The following NICN1 variants were observed in gnomAD, a reference collection of about 807,000 sequenced individuals.
NICN1 encodes the protein nicolin-1.
In NICN1, 18 loss-of-function variants were observed where a neutral mutation model predicts 26.3. The ratio of observed to expected loss-of-function variants is 0.68; its 90% CI spans 0.47 to 1.01. The LOEUF (loss-of-function observed/expected upper bound fraction) is 1.01. Ranked by LOEUF, NICN1 falls within the 50% of genes least tolerant of loss-of-function variation. The probability of loss-of-function intolerance (pLI) is 0.00; values close to 1 mark genes in which losing one functional copy is unlikely to be tolerated. For missense variants in NICN1, 239 were observed against 278.3 expected (o/e 0.86, Z 1.00); for synonymous variants, 109 against 111.0 (o/e 0.98, Z 0.11).
intron 3 of NICN1, 118 bp from the exon 4 acceptor site, chr3:49,425,556 GT>G: frequency 3.8e-6 from 3 of 788,546 alleles, no homozygotes; most frequent in Non-Finnish European, 6.1e-6. Context: ...GGAAAACCCT[GT>G]TTAGGGAGCC....
At chr3:49,428,166 G>A (rs2049190072) in intron 1 of NICN1, among the ~76,000 whole-genome samples, 1 of 151,910 alleles carries the variant, frequency 6.6e-6, no homozygotes, top group Admixed American at 6.6e-5. Flanking sequence ...GTTGCAGTGA[G>A]CCGAGATCGC....
chr3:49,425,400 T>A lies in NICN1; in HGVS notation c.462A>T (p.Pro154=). The change falls in exon 4 of 6, where the codon CCA becomes CCT. Residue 154 remains proline (P), a synonymous_variant. Coordinates refer to ENST00000273598, the MANE Select transcript of NICN1 (RefSeq NM_032316.3). ...SVTFPKWLSH[P]VPCEQPALLR... is the part of the protein sequence containing the mutation. ...GGAGTGCAGGTTGCTCACAGGGCAC[T>A]GGGTGGGAGAGCCACTTGGGAAAGG... 1 of 1,613,262 alleles carries A rather than the reference T, an allele frequency of 6.2e-7. No homozygotes were observed. Among genetic ancestry groups the A allele is most frequent in the Non-Finnish European group, 8.5e-7 (1 of 1,179,844 alleles).
chr3:49,427,646 A>G (rs1162134715), intron 1 of NICN1, among the ~76,000 whole-genome samples: 93 of 13,444 alleles, frequency 6.9e-3, no homozygotes, highest in East Asian at 0.12. Flanking sequence ...ACCTCTCAGA[A>G]AAAAAAAAAA....
At chr3:49,427,050 G>A (rs995217448) in intron 1 of NICN1, among the ~76,000 whole-genome samples, 6 of 152,240 alleles carry the variant, frequency 3.9e-5, no homozygotes, top group East Asian at 1.9e-4. Context: ...GGCCGGGCAC[G>A]GTGGCTCAAG....
chr3:49,426,527 T>TTA, intron 1 of NICN1, 99 bp from the exon 2 acceptor site: 4 of 866,110 alleles, frequency 4.6e-6, no homozygotes, highest in Non-Finnish European at 5.3e-6. Context: ...TCCCCACCTT[T>TTA]TCTTTTTTTT....
At position 49,422,490 on chromosome 3, in the gene NICN1, C is replaced by T. The variant is rs1012146160; in HGVS notation, c.*2343G>A. The T allele has an allele frequency of 1.3e-6, 2 of 1,595,258 alleles. No homozygotes were observed. Among genetic ancestry groups the T allele is most frequent in the Non-Finnish European group, 1.7e-6 (2 of 1,166,720 alleles). Reference sequence around the variant, plus strand: ...AGTGCAGACGGCGCACAGAGGCCACCACACTGCCAGGCACGCCGGGAGATG... The same window carrying T: ...AGTGCAGACGGCGCACAGAGGCCACTACACTGCCAGGCACGCCGGGAGATG... On this transcript the variant is annotated 3_prime_UTR_variant, in exon 6 of 6. Transcript: ENST00000273598.
At chr3:49,428,277 A>T (rs529073457) in intron 1 of NICN1, among the ~76,000 whole-genome samples, 3 of 151,768 alleles carry the variant, frequency 2.0e-5, no homozygotes, top group Admixed American at 6.6e-5. Context: ...TCTCAATGCC[A>T]CGCCATTGGA....
At position 49,429,203 on chromosome 3, in the gene NICN1, A is replaced by G. The variant is rs11130191; in HGVS notation, c.37T>C (p.Ser13Pro). 2 of 1,609,866 alleles carry G rather than the reference A, an allele frequency of 1.2e-6. No homozygotes were observed. Among genetic ancestry groups the G allele is most frequent in the Middle Eastern group, 1.7e-4 (1 of 6,048 alleles). Residue 13 changes from serine to proline, a missense_variant, in exon 1 of 6, where the codon TCC becomes CCC. Transcript: ENST00000273598. ...RVLVPCHVKG[S>P]VALQVGDVRT... ...ACGTCGCCCACCTGGAGGGCTACGG[A>G]GCCTTTCACATGGCAAGGCACCAAA...
At chr3:49,426,053 C>CT in intron 2 of NICN1, 57 bp from the exon 3 acceptor site, 1 of 1,280,554 alleles carries the variant, frequency 7.8e-7, no homozygotes, top group South Asian at 1.3e-5. Flanking sequence ...AGAAGCCTCC[C>CT]AACCAGCAAT....
At chr3:49,425,237 A>C in intron 4 of NICN1, 130 bp downstream of exon 4, 1 of 868,040 alleles carries the variant, frequency 1.2e-6, no homozygotes, top group Non-Finnish European at 1.9e-6. Context: ...ATCCCACAGA[A>C]TACCCAGGAG....
At chr3:49,429,060 G>C in intron 1 of NICN1, 48 bp downstream of exon 1, 1 of 1,534,004 alleles carries the variant, frequency 6.5e-7, no homozygotes, top group Non-Finnish European at 8.8e-7. Flanking sequence ...CGAGATTCCA[G>C]GTCGGCCCCG....
intron 3 of NICN1, 27 bp downstream of exon 3, chr3:49,425,856 C>A (rs937595851): frequency 1.0e-5 from 13 of 1,306,058 alleles, no homozygotes; most frequent in Middle Eastern, 3.7e-4. Flanking sequence ...GGGAAAGGGC[C>A]AGCCAGCAGC....
Position 49,424,327 on chromosome 3 carries a change from A to C in NICN1, c.*506T>G, listed in dbSNP as rs1209319139. ...CAGGCAGCAGAAGAGTTCAGACAGG[A>C]AATTTCTCTCTGTGGCATAACACAA... On this transcript the variant is annotated 3_prime_UTR_variant, in exon 6 of 6. Transcript: ENST00000273598. 1 of 172,648 alleles carries C rather than the reference A, an allele frequency of 5.8e-6. No homozygotes were observed. Among genetic ancestry groups the C allele is most frequent in the Non-Finnish European group, 1.2e-5 (1 of 80,562 alleles). 10.7% of individuals were successfully genotyped at this position (172,648 alleles called of 1,614,324 possible). A position where few individuals can be genotyped will look rare whatever the true frequency, so the allele number is the denominator to read the frequency against.
At chr3:49,429,007 G>C (rs1206049356) in intron 1 of NICN1, 101 bp downstream of exon 1, 11 of 1,136,958 alleles carry the variant, frequency 9.7e-6, no homozygotes, top group Non-Finnish European at 1.4e-5. Context: ...CAAGGAAGAC[G>C]GCAGAGGCTT....
intron 1 of NICN1, 127 bp from the exon 2 acceptor site, chr3:49,426,555 T>C: frequency 1.4e-6 from 1 of 712,492 alleles, no homozygotes; most frequent in Non-Finnish European, 2.3e-6. Flanking sequence ...TGAGAGGAAA[T>C]CTTGCTCTTT....
chr3:49,422,734 C>A lies in NICN1; in HGVS notation c.*2099G>T. On this transcript the variant is annotated 3_prime_UTR_variant, in exon 6 of 6. Transcript: ENST00000273598. ...AACAAAGCTAGGGGCTAGACCGCCC[C>A]CTGCAGAACCGCCCTGTCTCCAGAG... 1.8e-6 allele frequency: 1 copy of A among 556,914 alleles called. No homozygotes were observed. The allele number at this position is 556,914 out of a possible 1,614,324, so 34.5% of individuals were successfully genotyped here. A position where few individuals can be genotyped will look rare whatever the true frequency, so the allele number is the denominator to read the frequency against.
chr3:49,428,687 C>T (rs2049194386), intron 1 of NICN1, among the ~76,000 whole-genome samples: 1 of 149,400 alleles, frequency 6.7e-6, no homozygotes, highest in African/African-American at 2.5e-5. Context: ...TGCCATTGCA[C>T]TCCAGCCTGG....
rs2049166630 is a variant in NICN1, at chr3:49,426,016, A to T, written c.310-20T>A. ...CAGCATCTGACACACACACACAAGG[A>T]CCCAGCAAGGATCCAGCTCACTGCC... On this transcript the variant is annotated intron_variant, in intron 2 of 5. Transcript: ENST00000273598. 6.7e-7 allele frequency: 1 copy of T among 1,501,774 alleles called. No homozygotes were observed. Among genetic ancestry groups the T allele is most frequent in the Admixed American group, 1.7e-5 (1 of 58,508 alleles). 93.0% of individuals were successfully genotyped at this position (1,501,774 alleles called of 1,614,324 possible). A position where few individuals can be genotyped will look rare whatever the true frequency, so the allele number is the denominator to read the frequency against.
At chr3:49,428,755 T>TG (rs35319877) in intron 1 of NICN1, among the ~76,000 whole-genome samples, 9 of 151,310 alleles carry the variant, frequency 5.9e-5, no homozygotes, top group African/African-American at 2.2e-4. Context: ...AGGCAGGTTT[T>TG]GGGGTAAATC....
Sources: gnomAD v4.1 joint callset for allele counts (sites outside exome capture counted in the v4.1 genomes callset) on GRCh38, gnomAD v4.1.1 for gene constraint, MANE v1.5 for transcripts, NCBI Gene and HGNC (gene_info 2026-07-23, HGNC 2026-07-21) for gene names.